The following PDILT variants were observed in gnomAD, a reference collection of about 807,000 sequenced individuals.
PDILT encodes the protein protein disulfide isomerase like, testis expressed.
In PDILT, 43 loss-of-function variants were observed where a neutral mutation model predicts 53.7. That is an observed-to-expected ratio of 0.80 (90% CI 0.63 to 1.03). The LOEUF is 1.03. Ranked by LOEUF, PDILT falls within the 50% of genes least tolerant of loss-of-function variation. PDILT has a pLI of 0.00. For missense variants in PDILT, 727 were observed against 712.3 expected (o/e 1.02, Z -0.24); for synonymous variants, 282 against 274.2 (o/e 1.03, Z -0.28).
intron 9 of PDILT, among the ~76,000 whole-genome samples, chr16:20,363,314 G>C (rs1966135163): frequency 6.6e-6 from 1 of 152,108 alleles, no homozygotes; most frequent in African/African-American, 2.4e-5. Context: ...GGGACTACAG[G>C]CTTGTGCCAC....
chr16:20,377,075 A>C (rs575166128), intron 3 of PDILT, among the ~76,000 whole-genome samples: 1 of 152,170 alleles, frequency 6.6e-6, no homozygotes, highest in Non-Finnish European at 1.5e-5. Context: ...ACTTGGGGCC[A>C]GGAGTTTGGG....
chr16:20,367,000 C>A (rs71373185), intron 8 of PDILT, among the ~76,000 whole-genome samples: 71,162 of 130,408 alleles, frequency 0.55, 21,417 homozygotes, highest in Middle Eastern at 0.61. Context: ...TTCTTTCTTT[C>A]TTTATTTATT....
At chr16:20,390,420 C>T (rs1966594497) in intron 2 of PDILT, among the ~76,000 whole-genome samples, 1 of 152,146 alleles carries the variant, frequency 6.6e-6, no homozygotes, top group Non-Finnish European at 1.5e-5. Flanking sequence ...GCCTCACCAC[C>T]TTAAGATCTT....
chr16:20,404,161 T>G (rs184303974), intron 1 of PDILT, among the ~76,000 whole-genome samples: 1 of 152,130 alleles, frequency 6.6e-6, no homozygotes, highest in Non-Finnish European at 1.5e-5. Flanking sequence ...GTTTGTTGAA[T>G]GAATGAATGA....
At chr16:20,362,643 C>T in intron 9 of PDILT, 61 bp from the exon 10 acceptor site, 1 of 1,546,878 alleles carries the variant, frequency 6.5e-7, no homozygotes, top group Non-Finnish European at 8.9e-7. Context: ...GCTGGCGCCA[C>T]CCTACACATG....
intron 2 of PDILT, among the ~76,000 whole-genome samples, chr16:20,393,076 A>G (rs1457857267): frequency 6.6e-6 from 1 of 152,154 alleles, no homozygotes; most frequent in Non-Finnish European, 1.5e-5. Context: ...AGCAAAAGAG[A>G]TGGTTTGGAT....
In PDILT at chr16:20,369,699, A is replaced by T. The variant is rs368537628; in HGVS notation, c.919-10T>A. 110 of 1,613,776 alleles carry T rather than the reference A, an allele frequency of 6.8e-5. 1 individual carries two copies. In the Middle Eastern group the frequency reaches 8.7e-4, roughly 13 times the overall value. On this transcript the variant is annotated splice_polypyrimidine_tract_variant and intron_variant, in intron 7 of 11. Transcript: ENST00000302451. ...CAAGGATGAAAAGGATCTGCCAAAG[A>T]AAACAAAACCCTTGTCTCTCTGGAT...
chr16:20,367,535 C>T (rs11865589), intron 8 of PDILT, among the ~76,000 whole-genome samples: 2 of 151,954 alleles, frequency 1.3e-5, no homozygotes, highest in Non-Finnish European at 2.9e-5. Flanking sequence ...GCCCATCTCT[C>T]CTCTAACAGC....
intron 3 of PDILT, among the ~76,000 whole-genome samples, chr16:20,379,734 G>A (rs1267825948): frequency 6.6e-6 from 1 of 152,218 alleles, no homozygotes; most frequent in Non-Finnish European, 1.5e-5. Context: ...AACTTTAGTA[G>A]ATATAGTTAA....
At chr16:20,397,047 A>G (rs937526416) in intron 2 of PDILT, among the ~76,000 whole-genome samples, 2 of 152,260 alleles carry the variant, frequency 1.3e-5, no homozygotes, top group African/African-American at 4.8e-5. Context: ...TTAAGTTCTT[A>G]TTACGCATCA....
chr16:20,393,871 C>T (rs1173650723), intron 2 of PDILT, among the ~76,000 whole-genome samples: 4 of 152,222 alleles, frequency 2.6e-5, no homozygotes, highest in Non-Finnish European at 5.9e-5. Context: ...TGGGCCAGAG[C>T]TTCCAGGTCT....
chr16:20,399,054 G>C, intron 2 of PDILT, 45 bp downstream of exon 2: 1 of 1,605,536 alleles, frequency 6.2e-7, no homozygotes, highest in South Asian at 1.1e-5. Flanking sequence ...AAGGAGGCAG[G>C]CCTCATCCCA....
chr16:20,360,592 T>G lies in PDILT; in HGVS notation c.1482A>C (p.Lys494Asn). The change falls in exon 11 of 12, where the codon AAA becomes AAC. Residue 494 changes from lysine (K) to asparagine (N), a missense_variant. Physicochemically the swap from Lys to Asn is moderately conservative, Grantham distance 94 (BLOSUM62 0). Transcript: ENST00000302451. The part of the protein sequence containing the change: ...GFSDFLESHI[K>N]TKIEDEDELL... ...CCTCATCCTCATCCTCAATCTTAGT[T>G]TTGATGTGGCTTTCCAGGAAGTCAG... 6.2e-7 allele frequency: 1 copy of G among 1,613,954 alleles called. No individual in the cohort carries two copies. Among genetic ancestry groups the G allele is most frequent in the Non-Finnish European group, 8.5e-7 (1 of 1,179,852 alleles).
chr16:20,394,148 A>G (rs569284907), intron 2 of PDILT, among the ~76,000 whole-genome samples: 19 of 152,324 alleles, frequency 1.2e-4, no homozygotes, highest in African/African-American at 4.3e-4. Flanking sequence ...AAAGAAGGTC[A>G]AGGAAGGTGA....
chr16:20,389,259 T>A (rs1002451376), intron 2 of PDILT, among the ~76,000 whole-genome samples: 1 of 152,156 alleles, frequency 6.6e-6, no homozygotes, highest in African/African-American at 2.4e-5. Flanking sequence ...TGGTTTACTT[T>A]CCTTGTGGCC....
intron 8 of PDILT, among the ~76,000 whole-genome samples, chr16:20,368,421 C>T (rs1966248025): frequency 6.6e-6 from 1 of 152,154 alleles, no homozygotes; most frequent in Admixed American, 6.5e-5. Context: ...AGAAGGACAG[C>T]AGCCTCACCG....
rs781568216 is a variant in PDILT at position 20,399,195 on chromosome 16, G to C, written c.106C>G (p.Pro36Ala). ...AGVSSIHITKPVHILEERSLL... is the reference protein window; with the variant it reads ...AGVSSIHITKAVHILEERSLL... ...CTGCGTTCCTCCAGGATGTGCACAG[G>C]CTTGGTTATGTGGATGCTGGAAACA... The change falls in exon 2 of 12, where the codon CCT (proline) becomes GCT (alanine). Residue 36 changes from proline (P) to alanine (A), a missense_variant. Pro to Ala is a conservative substitution (Grantham distance 27). Transcript: ENST00000302451. 40 of 1,614,078 alleles carry C rather than the reference G, an allele frequency of 2.5e-5. No homozygotes were observed. The highest frequency in any genetic ancestry group is 5.0e-5 in the Admixed American group (3 of 60,004).
chr16:20,396,234 T>C (rs1189022822), intron 2 of PDILT, among the ~76,000 whole-genome samples: 1 of 152,154 alleles, frequency 6.6e-6, no homozygotes, highest in East Asian at 1.9e-4. Flanking sequence ...AACAAGAAAC[T>C]CACCCAAGGC....
At chr16:20,365,986 A>G (rs367904681) in intron 8 of PDILT, among the ~76,000 whole-genome samples, 1 of 150,884 alleles carries the variant, frequency 6.6e-6, no homozygotes, top group South Asian at 2.1e-4. Context: ...GCTACTCAGG[A>G]GGCTGAGGCA....
Sources: gnomAD v4.1 joint callset for allele counts (sites outside exome capture counted in the v4.1 genomes callset) on GRCh38, gnomAD v4.1.1 for gene constraint, MANE v1.5 for transcripts, NCBI Gene and HGNC (gene_info 2026-07-23, HGNC 2026-07-21) for gene names.